Variants in PIP5K1A observed in about 807,000 individuals in gnomAD.
The protein encoded by PIP5K1A is phosphatidylinositol-4-phosphate 5-kinase type 1 alpha, also known as phosphatidylinositol 4-phosphate 5-kinase type-1 alpha.
Under a neutral mutation model 72.9 loss-of-function variants are expected in PIP5K1A, and 46 were observed. That is an observed-to-expected ratio of 0.63 (90% CI 0.50 to 0.81). PIP5K1A has a LOEUF of 0.81. PIP5K1A is among the 30% of genes least tolerant of loss of function. The probability of loss-of-function intolerance (pLI) is 0.00; values close to 1 mark genes in which losing one functional copy is unlikely to be tolerated. For synonymous variants in PIP5K1A, 228 were observed against 255.1 expected (o/e 0.89, Z 1.01); for missense variants, 458 against 706.1 (o/e 0.65, Z 3.98).
rs587680644 is a variant in PIP5K1A at position 151,245,602 on chromosome 1, C to T, written c.1641-1318C>T. Reference sequence around the variant, plus strand: ...CCAGGCTAGAATGTAGTGGCACTATCTTGGTTCATTGCAACTTCCGCCTCC... The same window carrying T: ...CCAGGCTAGAATGTAGTGGCACTATTTTGGTTCATTGCAACTTCCGCCTCC... On this transcript the variant is annotated intron_variant, in intron 14 of 15. Coordinates refer to ENST00000368888, the MANE Select transcript of PIP5K1A (RefSeq NM_001135638.2). Among the ~76,000 whole-genome samples, 28 of 152,304 alleles carry T rather than the reference C, an allele frequency of 1.8e-4. No homozygotes were observed. The South Asian group carries it at 4.8e-3, about 26-fold the overall frequency.
intron 1 of PIP5K1A, among the ~76,000 whole-genome samples, chr1:151,218,177 A>G (rs1456749085): frequency 6.6e-6 from 1 of 152,216 alleles, no homozygotes; most frequent in East Asian, 1.9e-4. Flanking sequence ...TGCGCTTTCA[A>G]GTATCAGACT....
At chr1:151,239,776 C>T (rs1232385609) in intron 11 of PIP5K1A, among the ~76,000 whole-genome samples, 179 bp from the exon 12 acceptor site, 2 of 152,188 alleles carry the variant, frequency 1.3e-5, no homozygotes, top group Non-Finnish European at 2.9e-5. Context: ...GATCCGCCCA[C>T]CTCAGCTTCC....
intron 1 of PIP5K1A, among the ~76,000 whole-genome samples, chr1:151,201,197 C>A (rs1235764628): frequency 6.6e-6 from 1 of 152,154 alleles, no homozygotes; most frequent in Non-Finnish European, 1.5e-5. Flanking sequence ...TAATCCCCAA[C>A]CCAGAAAGAA....
intron 14 of PIP5K1A, among the ~76,000 whole-genome samples, chr1:151,244,735 G>A (rs1002033034): frequency 6.6e-6 from 1 of 152,164 alleles, no homozygotes; most frequent in African/African-American, 2.4e-5. Flanking sequence ...GTATATAAGG[G>A]ACTTGTGCAT....
intron 1 of PIP5K1A, among the ~76,000 whole-genome samples, chr1:151,203,920 C>T (rs1197624315): frequency 2.0e-5 from 3 of 152,030 alleles, no homozygotes; most frequent in Non-Finnish European, 4.4e-5. Context: ...TTAAAATGGT[C>T]ATCGCTCACC....
In PIP5K1A at chr1:151,224,785, A is replaced by G. The variant is rs150284849; in HGVS notation, c.156+379A>G. On this transcript the variant is annotated intron_variant, in intron 3 of 15. Transcript: ENST00000368888. ...TAGCCATGCAGAAGCTGTTAGTTTC[A>G]CAAGTTTCTCTTTTTTGTCCAGAAT... 4.5e-3 allele frequency among the ~76,000 whole-genome samples: 685 copies of G among 152,268 alleles called. 6 individuals are homozygous for G. Among genetic ancestry groups the G allele is most frequent in the African/African-American group, 0.016 (650 of 41,560 alleles).
At chr1:151,240,838 C>T (rs1189006005) in intron 12 of PIP5K1A, among the ~76,000 whole-genome samples, 1 of 152,118 alleles carries the variant, frequency 6.6e-6, no homozygotes, top group Non-Finnish European at 1.5e-5. Flanking sequence ...TAGTGCTGGG[C>T]ACATACATGC....
At chr1:151,224,123 T>C (rs1217622260) in intron 1 of PIP5K1A, 122 bp from the exon 2 acceptor site, 1 of 877,398 alleles carries the variant, frequency 1.1e-6, no homozygotes, top group Non-Finnish European at 1.9e-6. Flanking sequence ...CTGGTATTAC[T>C]GAGCAAGAGG....
At chr1:151,223,716 G>A (rs1276647050) in intron 1 of PIP5K1A, among the ~76,000 whole-genome samples, 1 of 151,584 alleles carries the variant, frequency 6.6e-6, no homozygotes, top group African/African-American at 2.4e-5. Context: ...GGACAGGTGC[G>A]GTGGCTCTTG....
chr1:151,241,995 C>T, intron 12 of PIP5K1A, 128 bp from the exon 13 acceptor site: 1 of 831,100 alleles, frequency 1.2e-6, no homozygotes. Flanking sequence ...TCTTTGTTGA[C>T]ATTAGCCTTT....
intron 14 of PIP5K1A, among the ~76,000 whole-genome samples, chr1:151,246,228 C>T (rs748704781): frequency 3.9e-5 from 6 of 152,142 alleles, no homozygotes; most frequent in Non-Finnish European, 7.3e-5. Flanking sequence ...GCCTGGGCGA[C>T]AGAGCGAGAT....
intron 5 of PIP5K1A, 76 bp from the exon 6 acceptor site, chr1:151,232,172 C>G (rs1198405308): frequency 1.0e-5 from 10 of 952,522 alleles, no homozygotes; most frequent in Non-Finnish European, 1.7e-5. Flanking sequence ...TGAGGTGACT[C>G]TGAGTGTCTT....
chr1:151,212,558 CATG>C (rs1490080255), intron 1 of PIP5K1A, among the ~76,000 whole-genome samples: 2 of 151,528 alleles, frequency 1.3e-5, no homozygotes, highest in African/African-American at 4.8e-5. Context: ...TTTTCTGTGA[CATG>C]GTGTGATGAT....
intron 1 of PIP5K1A, among the ~76,000 whole-genome samples, chr1:151,212,337 C>T (rs1686940391): frequency 6.6e-6 from 1 of 152,164 alleles, no homozygotes; most frequent in South Asian, 2.1e-4. Context: ...ATTTTCACTT[C>T]CTTTACATTT....
intron 1 of PIP5K1A, among the ~76,000 whole-genome samples, chr1:151,221,574 G>C (rs915024030): frequency 6.6e-6 from 1 of 152,150 alleles, no homozygotes; most frequent in African/African-American, 2.4e-5. Context: ...AAGATTCTCA[G>C]ACAAAATATT....
intron 3 of PIP5K1A, 86 bp downstream of exon 3, chr1:151,224,492 G>GTAATATATACCAAATGTATA: frequency 1.0e-6 from 1 of 989,422 alleles, no homozygotes; most frequent in Non-Finnish European, 1.6e-6. Context: ...CATTTTTAAT[G>GTAATATATACCAAATGTATA]TACCAAATGC....
At chr1:151,216,719 T>C (rs2102262873) in intron 1 of PIP5K1A, among the ~76,000 whole-genome samples, 1 of 152,298 alleles carries the variant, frequency 6.6e-6, no homozygotes, top group East Asian at 1.9e-4. Flanking sequence ...CTAGAATTTA[T>C]AGGCATTTAT....
At chr1:151,210,333 C>T (rs1686621006) in intron 1 of PIP5K1A, among the ~76,000 whole-genome samples, 1 of 151,362 alleles carries the variant, frequency 6.6e-6, no homozygotes, top group Non-Finnish European at 1.5e-5. Context: ...GGATTACAGG[C>T]ATGGGCCACC....
intron 1 of PIP5K1A, among the ~76,000 whole-genome samples, chr1:151,208,561 A>T (rs1193139456): frequency 6.7e-6 from 1 of 149,878 alleles, no homozygotes; most frequent in South Asian, 2.1e-4. Flanking sequence ...GGGTTTCACC[A>T]TGTTGGTCAG....
Sources: allele counts gnomAD v4.1 joint callset (sites outside exome capture counted in the v4.1 genomes callset), GRCh38; gene constraint gnomAD v4.1.1; transcripts MANE v1.5; gene names NCBI Gene and HGNC (gene_info 2026-07-23, HGNC 2026-07-21).